Variants in GORASP2 observed in about 807,000 individuals in gnomAD.
The protein encoded by GORASP2 is Golgi reassembly-stacking protein 2.
Under a neutral mutation model 45.7 loss-of-function variants are expected in GORASP2, and 22 were observed. The ratio of observed to expected loss-of-function variants is 0.48; its 90% CI spans 0.34 to 0.69. The LOEUF (loss-of-function observed/expected upper bound fraction) is 0.69. Ranked by LOEUF, GORASP2 falls within the 30% of genes least tolerant of loss-of-function variation. GORASP2 has a pLI of 0.01. For synonymous variants in GORASP2, 221 were observed against 215.6 expected (o/e 1.02, Z -0.22); for missense variants, 491 against 562.7 (o/e 0.87, Z 1.29).
intron 4 of GORASP2, 21 bp downstream of exon 4, chr2:170,950,311 TAGTG>T (rs1559312072): frequency 6.9e-6 from 8 of 1,154,970 alleles, no homozygotes; most frequent in South Asian, 5.6e-5. Context: ...TGTTTATTCA[TAGTG>T]AGAACTATAT....
intron 1 of GORASP2, among the ~76,000 whole-genome samples, chr2:170,933,706 T>C (rs1703879298): frequency 1.1e-5 from 1 of 91,404 alleles, no homozygotes; most frequent in Non-Finnish European, 2.6e-5. Flanking sequence ...TGTTCCACAC[T>C]TAAAAGAGAT....
At position 170,967,104 on chromosome 2, in the gene GORASP2, G is replaced by A. The variant is rs1046068906; in HGVS notation, c.*974G>A. 14 of 152,128 alleles carry A rather than the reference G, an allele frequency of 9.2e-5. No homozygotes were observed. Among genetic ancestry groups the A allele is most frequent in the Non-Finnish European group, 1.6e-4 (11 of 68,032 alleles). The allele number at this position is 152,128 out of a possible 1,614,324, so 9.4% of individuals were successfully genotyped here. A position where few individuals can be genotyped will look rare whatever the true frequency, so the allele number is the denominator to read the frequency against. On this transcript the variant is annotated 3_prime_UTR_variant, in exon 10 of 10. Coordinates refer to ENST00000234160, the MANE Select transcript of GORASP2 (RefSeq NM_015530.5). ...ATTGATTTACTGAATGAAATTAAAT[G>A]CAGATATCCCTGTTTTTGAAATAAG...
intron 1 of GORASP2, among the ~76,000 whole-genome samples, chr2:170,943,625 C>T (rs931314525): frequency 3.3e-5 from 5 of 152,176 alleles, no homozygotes; most frequent in Admixed American, 3.3e-4. Flanking sequence ...CTCAGTCTGG[C>T]TCTAAAAGTC....
intron 1 of GORASP2, among the ~76,000 whole-genome samples, chr2:170,934,703 C>G (rs1703905823): frequency 6.6e-6 from 1 of 152,032 alleles, no homozygotes; most frequent in African/African-American, 2.4e-5. Context: ...TCTGACCCTG[C>G]CCCCAGAATT....
rs1296615412 is a variant in GORASP2, at chr2:170,945,681, A to C, written c.64-2669A>C. Among the ~76,000 whole-genome samples the C allele has an allele frequency of 2.0e-5, 3 of 152,316 alleles. No individual in the cohort carries two copies. The East Asian group carries it at 5.8e-4, about 29-fold the overall frequency. On this transcript the variant is annotated intron_variant, in intron 1 of 9. Transcript: ENST00000234160. ...CGTCTATATAGGGCAACTATTCTTTACTGTTATCAAAAGAAGAATATCAAG... is the reference window on the plus strand; with the variant it reads ...CGTCTATATAGGGCAACTATTCTTTCCTGTTATCAAAAGAAGAATATCAAG...
At chr2:170,938,718 A>T (rs578204108) in intron 1 of GORASP2, among the ~76,000 whole-genome samples, 1 of 152,270 alleles carries the variant, frequency 6.6e-6, no homozygotes, top group East Asian at 1.9e-4. Context: ...GCAGCTAAAG[A>T]AAAGAAGCAC....
At position 170,940,641 on chromosome 2, in the gene GORASP2, C is replaced by CT. The variant is rs78088107; in HGVS notation, c.64-7695dup. 8.6e-3 allele frequency among the ~76,000 whole-genome samples: 1,190 copies of CT among 138,476 alleles called. 13 individuals are homozygous for CT. The highest frequency in any genetic ancestry group is 0.026 in the African/African-American group (967 of 37,754). 90.8% of individuals were successfully genotyped at this position (138,476 alleles called of 152,430 possible). A position where few individuals can be genotyped will look rare whatever the true frequency, so the allele number is the denominator to read the frequency against. On this transcript the variant is annotated intron_variant, in intron 1 of 9. Coordinates refer to ENST00000234160, the MANE Select transcript of GORASP2 (RefSeq NM_015530.5). ...GAGGGAAAAGTCAAGAAGTGAATTG[C>CT]TTTTTTTTTTTTTTACCAGGAACTT...
At chr2:170,952,276 AT>A (rs1337149134) in intron 5 of GORASP2, among the ~76,000 whole-genome samples, 1 of 152,204 alleles carries the variant, frequency 6.6e-6, no homozygotes, top group Non-Finnish European at 1.5e-5. Flanking sequence ...ATATTCTTTC[AT>A]TTTTAATTAT....
intron 1 of GORASP2, among the ~76,000 whole-genome samples, chr2:170,930,285 C>T (rs983275033): frequency 1.3e-5 from 2 of 152,188 alleles, no homozygotes; most frequent in African/African-American, 4.8e-5. Context: ...CTCATGGAAC[C>T]GGGCGACTTT....
At chr2:170,956,648 C>A in intron 7 of GORASP2, 89 bp downstream of exon 7, 1 of 1,126,610 alleles carries the variant, frequency 8.9e-7, no homozygotes, top group Non-Finnish European at 1.2e-6. Context: ...CAGTGGCTCA[C>A]ACCTGTAATC....
intron 1 of GORASP2, among the ~76,000 whole-genome samples, chr2:170,944,775 A>T (rs1169739533): frequency 6.6e-6 from 1 of 152,188 alleles, no homozygotes; most frequent in Non-Finnish European, 1.5e-5. Flanking sequence ...AAAGTCTGAA[A>T]TTGATCAGTG....
chr2:170,956,586 C>G, intron 7 of GORASP2, 27 bp downstream of exon 7: 1 of 1,581,736 alleles, frequency 6.3e-7, no homozygotes, highest in Non-Finnish European at 8.6e-7. Context: ...ATTCTGTTTT[C>G]AGTCTATTTT....
In GORASP2 at chr2:170,940,037, A is replaced by G. The variant is rs138903595; in HGVS notation, c.64-8313A>G. 3.5e-3 allele frequency among the ~76,000 whole-genome samples: 533 copies of G among 152,102 alleles called. 7 individuals are homozygous for G. The highest frequency in any genetic ancestry group is 0.012 in the African/African-American group (497 of 41,488). On this transcript the variant is annotated intron_variant, in intron 1 of 9. Transcript: ENST00000234160. ...AGATGATAGTGTAGATAGTCATTCA[A>G]TGGGGCTTTTCTGCATTTTATGTGT...
At position 170,929,625 on chromosome 2, in the gene GORASP2, G is replaced by A. The variant is rs557416745; in HGVS notation, c.63+222G>A. 694 of 608,970 alleles carry A rather than the reference G, an allele frequency of 1.1e-3. 8 individuals are homozygous for A. The highest frequency in any genetic ancestry group is 0.011 in the Middle Eastern group (24 of 2,214). 37.7% of individuals were successfully genotyped at this position (608,970 alleles called of 1,614,324 possible). ...GGGGTCCGCGGCTGTAGGAGGACGG[G>A]CTGGAGCTGGAGGCGGCTGCCGGCG... On this transcript the variant is annotated intron_variant, in intron 1 of 9. Coordinates refer to ENST00000234160, the MANE Select transcript of GORASP2 (RefSeq NM_015530.5).
intron 6 of GORASP2, among the ~76,000 whole-genome samples, chr2:170,956,007 A>G (rs375393062): frequency 1.3e-5 from 2 of 152,254 alleles, no homozygotes; most frequent in South Asian, 2.1e-4. Context: ...TGAGAAGTCT[A>G]TCATGTATTA....
intron 1 of GORASP2, among the ~76,000 whole-genome samples, chr2:170,942,763 A>G (rs1704105773): frequency 6.6e-6 from 1 of 152,142 alleles, no homozygotes; most frequent in Non-Finnish European, 1.5e-5. Flanking sequence ...TTTGTGTGTA[A>G]CATTTTGAGG....
At position 170,966,275 on chromosome 2, in the gene GORASP2, C is replaced by T. The variant is rs762027848; in HGVS notation, c.*145C>T. ...TTCCAAGGGGAAAACTAAACGAGGACGTGGGTTGTATCCTGCCAGGTTGAG... is the reference window on the plus strand; with the variant it reads ...TTCCAAGGGGAAAACTAAACGAGGATGTGGGTTGTATCCTGCCAGGTTGAG... On this transcript the variant is annotated 3_prime_UTR_variant, in exon 10 of 10. Transcript: ENST00000234160. 5.7e-5 allele frequency: 38 copies of T among 669,550 alleles called. No individual in the cohort carries two copies. Among genetic ancestry groups the T allele is most frequent in the Middle Eastern group, 3.1e-4 (1 of 3,234 alleles). The allele number at this position is 669,550 out of a possible 1,614,324, so 41.5% of individuals were successfully genotyped here.
chr2:170,929,294 C>T lies in GORASP2; in HGVS notation c.-47C>T. 3 of 1,310,002 alleles carry T rather than the reference C, an allele frequency of 2.3e-6. No individual in the cohort carries two copies. Among genetic ancestry groups the T allele is most frequent in the Non-Finnish European group, 2.9e-6 (3 of 1,022,738 alleles). 81.1% of individuals were successfully genotyped at this position (1,310,002 alleles called of 1,614,324 possible). A position where few individuals can be genotyped will look rare whatever the true frequency, so the allele number is the denominator to read the frequency against. On this transcript the variant is annotated 5_prime_UTR_variant, in exon 1 of 10. Coordinates refer to ENST00000234160, the MANE Select transcript of GORASP2 (RefSeq NM_015530.5). The stretch of plus-strand genomic sequence containing the variant: ...ATTAGAGCAGGCGGTGCGCTGGGGG[C>T]GGGAGCAGCGCGGAGCCCGGCTCGG...
In GORASP2 at chr2:170,966,458, C is replaced by G. The variant is rs576044602; in HGVS notation, c.*328C>G. Reference sequence around the variant, plus strand: ...GCGGGGCGTCCACTAGGTTTCCTGTCCCCTGCTGCTCCTTCCGTAAGAAAA... The same window carrying G: ...GCGGGGCGTCCACTAGGTTTCCTGTGCCCTGCTGCTCCTTCCGTAAGAAAA... On this transcript the variant is annotated 3_prime_UTR_variant, in exon 10 of 10. Transcript: ENST00000234160. The G allele has an allele frequency of 1.7e-5, 7 of 419,448 alleles. No homozygotes were observed. The highest frequency in any genetic ancestry group is 2.6e-5 in the Non-Finnish European group (6 of 230,220). 26.0% of individuals were successfully genotyped at this position (419,448 alleles called of 1,614,324 possible).
Sources: gnomAD v4.1 joint callset for allele counts (sites outside exome capture counted in the v4.1 genomes callset) on GRCh38, gnomAD v4.1.1 for gene constraint, MANE v1.5 for transcripts, NCBI Gene and HGNC (gene_info 2026-07-23, HGNC 2026-07-21) for gene names.